PELI1: variants seen among roughly 807,000 people sequenced by gnomAD.
The protein encoded by PELI1 is pellino E3 ubiquitin protein ligase 1.
In PELI1, 15 loss-of-function variants were observed where a neutral mutation model predicts 41.3. That is an observed-to-expected ratio of 0.36 (90% CI 0.24 to 0.56). The LOEUF (loss-of-function observed/expected upper bound fraction) is 0.56. Among genes scored for constraint, PELI1 ranks in the 20% least tolerant of loss-of-function variants. PELI1 has a pLI of 0.82. For missense variants in PELI1, 403 were observed against 525.5 expected (o/e 0.77, Z 2.28); for synonymous variants, 178 against 180.1 (o/e 0.99, Z 0.09).
intron 1 of PELI1, among the ~76,000 whole-genome samples, chr2:64,135,117 T>C (rs762759608): frequency 1.3e-5 from 2 of 152,146 alleles, no homozygotes; most frequent in Non-Finnish European, 2.9e-5. Context: ...AGGTCCCCAA[T>C]TGTTTGACAT....
At chr2:64,118,983 T>C (rs953977409) in intron 1 of PELI1, among the ~76,000 whole-genome samples, 1 of 138,168 alleles carries the variant, frequency 7.2e-6, no homozygotes, top group African/African-American at 2.8e-5. Flanking sequence ...TGTTTTTGTT[T>C]TTTTTTTTAA....
At chr2:64,096,018 T>C in intron 6 of PELI1, 107 bp downstream of exon 6, 1 of 752,626 alleles carries the variant, frequency 1.3e-6, no homozygotes, top group South Asian at 1.7e-5. Flanking sequence ...TAGTATTCTG[T>C]GTTGGCAATA....
intron 1 of PELI1, among the ~76,000 whole-genome samples, chr2:64,131,426 G>C (rs529703835): frequency 4.1e-4 from 62 of 151,836 alleles, no homozygotes; most frequent in Admixed American, 4.1e-3. Context: ...TTGTTATACT[G>C]TACTTTTTAG....
At chr2:64,139,336 C>T (rs143614202) in intron 1 of PELI1, among the ~76,000 whole-genome samples, 493 of 152,282 alleles carry the variant, frequency 3.2e-3, no homozygotes, top group Middle Eastern at 0.01. Context: ...GGCAGGGTCT[C>T]GCTCTGTTGC....
chr2:64,141,126 A>G (rs41322849), intron 1 of PELI1, among the ~76,000 whole-genome samples: 3,467 of 152,278 alleles, frequency 0.023, 112 homozygotes, highest in African/African-American at 0.077. Context: ...ATAGACTTCA[A>G]CTAGAATTTT....
chr2:64,134,968 C>G lies in PELI1; in HGVS notation c.-70+9113G>C, dbSNP rs933241044. On this transcript the variant is annotated intron_variant, in intron 1 of 6. Coordinates refer to ENST00000358912, the MANE Select transcript of PELI1 (RefSeq NM_020651.4). ...AGGGCCAGTCACTTCATAATTCATT[C>G]TTGTGGAAGGAAGAAGTTATAACCT... Among the ~76,000 whole-genome samples, 7 of 152,100 alleles carry G rather than the reference C, an allele frequency of 4.6e-5. No individual in the cohort carries two copies. The East Asian group carries it at 1.3e-3, about 29-fold the overall frequency.
At chr2:64,140,422 A>G (rs1681862084) in intron 1 of PELI1, among the ~76,000 whole-genome samples, 1 of 152,136 alleles carries the variant, frequency 6.6e-6, no homozygotes, top group South Asian at 2.1e-4. Context: ...TTTATGTGGC[A>G]AAAAGAATCT....
At chr2:64,101,673 G>A (rs919206091) in intron 3 of PELI1, among the ~76,000 whole-genome samples, 4 of 152,046 alleles carry the variant, frequency 2.6e-5, no homozygotes, top group Non-Finnish European at 5.9e-5. Flanking sequence ...CAACTAATCT[G>A]TAATAGATAA....
At position 64,108,348 on chromosome 2, in the gene PELI1, C is replaced by T. The variant is rs372515818; in HGVS notation, c.-38G>A. ...CTTTCTCAAATCTTTGTTCACTGGT[C>T]AGGAGCCTTGGGACACCTTTTGCAT... On this transcript the variant is annotated 5_prime_UTR_variant, in exon 2 of 7. The change abolishes the stop of an existing upstream ORF in the 5' untranslated region. Coordinates refer to ENST00000358912, the MANE Select transcript of PELI1 (RefSeq NM_020651.4). 9 of 1,307,224 alleles carry T rather than the reference C, an allele frequency of 6.9e-6. No homozygotes were observed. The East Asian group carries it at 6.9e-5, about 10-fold the overall frequency. The allele number at this position is 1,307,224 out of a possible 1,614,324, so 81.0% of individuals were successfully genotyped here.
Position 64,104,698 on chromosome 2 carries a change from T to TA in PELI1, c.201+2dup, listed in dbSNP as rs60021313. Reference sequence around the variant, plus strand: ...TTATGTAGCTTTTTTTTTTTTTTTTTACCTTTGCAGCCTGAGGAGTACAAG... The same window carrying TA: ...TTATGTAGCTTTTTTTTTTTTTTTTTAACCTTTGCAGCCTGAGGAGTACAAG... On this transcript the variant is annotated splice_region_variant and intron_variant, in intron 3 of 6. Transcript: ENST00000358912. 1 of 1,536,272 alleles carries TA rather than the reference T, an allele frequency of 6.5e-7. No individual in the cohort carries two copies. Among genetic ancestry groups the TA allele is most frequent in the Non-Finnish European group, 8.7e-7 (1 of 1,146,466 alleles).
At chr2:64,097,647 G>T (rs1021002298) in intron 4 of PELI1, among the ~76,000 whole-genome samples, 3 of 152,206 alleles carry the variant, frequency 2.0e-5, no homozygotes, top group African/African-American at 2.4e-5. Flanking sequence ...GTTCATGAAT[G>T]TATTTGTTAT....
chr2:64,133,435 C>T (rs1681622181), intron 1 of PELI1, among the ~76,000 whole-genome samples: 1 of 151,990 alleles, frequency 6.6e-6, no homozygotes, highest in Non-Finnish European at 1.5e-5. Flanking sequence ...AAAGAGATTT[C>T]ATCAGAATGG....
intron 1 of PELI1, among the ~76,000 whole-genome samples, chr2:64,108,941 G>T (rs533909260): frequency 2.0e-5 from 3 of 152,300 alleles, no homozygotes; most frequent in Admixed American, 1.3e-4. Context: ...GCCAAACCCA[G>T]AAAACAGTTT....
In PELI1 at chr2:64,094,897, A is replaced by G. The variant is rs772241552; in HGVS notation, c.1062T>C (p.Tyr354=). 5.6e-6 allele frequency: 9 copies of G among 1,614,124 alleles called. No individual in the cohort carries two copies. Among genetic ancestry groups the G allele is most frequent in the Admixed American group, 5.0e-5 (3 of 60,010 alleles). The part of the protein sequence containing the change: ...PLWLGCEAGF[Y]VDAGPPTHAF... ...CATGGGTTGGAGGGCCGGCGTCCAC[A>G]TAAAATCCAGCTTCACATCCAAGCC... Residue 354 remains tyrosine, a synonymous_variant, in exon 7 of 7, where the codon TAT becomes TAC. Coordinates refer to ENST00000358912, the MANE Select transcript of PELI1 (RefSeq NM_020651.4).
intron 1 of PELI1, among the ~76,000 whole-genome samples, chr2:64,142,812 A>G (rs1462425523): frequency 2.0e-5 from 3 of 152,236 alleles, no homozygotes; most frequent in African/African-American, 7.2e-5. Flanking sequence ...TAAGTGTAAG[A>G]GTAATACATA....
At chr2:64,142,991 A>G (rs1280658717) in intron 1 of PELI1, among the ~76,000 whole-genome samples, 1 of 152,258 alleles carries the variant, frequency 6.6e-6, no homozygotes, top group Non-Finnish European at 1.5e-5. Context: ...CCTTATGAAT[A>G]AAGTTCTCAA....
rs192028341 is a variant in PELI1 at position 64,111,558 on chromosome 2, C to T, written c.-69-3179G>A. On this transcript the variant is annotated intron_variant, in intron 1 of 6. Transcript: ENST00000358912. Reference sequence around the variant, plus strand: ...TTGCTGAAGAGATTTTAATTCATTACGGTATTTAAAAGGTTACAGAAACCA... The same window carrying T: ...TTGCTGAAGAGATTTTAATTCATTATGGTATTTAAAAGGTTACAGAAACCA... Among the ~76,000 whole-genome samples the T allele has an allele frequency of 2.2e-3, 338 of 152,176 alleles. 12 individuals carry two copies. The highest frequency in any genetic ancestry group is 0.021 in the Admixed American group (323 of 15,276).
At chr2:64,126,078 T>A (rs1241347335) in intron 1 of PELI1, among the ~76,000 whole-genome samples, 1 of 152,236 alleles carries the variant, frequency 6.6e-6, no homozygotes. Context: ...TGCTAATTAA[T>A]GATTTCTTCT....
chr2:64,132,928 T>A (rs1681600866), intron 1 of PELI1, among the ~76,000 whole-genome samples: 1 of 152,176 alleles, frequency 6.6e-6, no homozygotes, highest in African/African-American at 2.4e-5. Context: ...GTAATTTGTA[T>A]AATACATTAA....
Sources: allele counts gnomAD v4.1 joint callset (sites outside exome capture counted in the v4.1 genomes callset), GRCh38; gene constraint gnomAD v4.1.1; transcripts MANE v1.5; gene names NCBI Gene and HGNC (gene_info 2026-07-23, HGNC 2026-07-21).